The following GDI2 variants were observed in gnomAD, a reference collection of about 807,000 sequenced individuals.
GDI2 encodes GDP dissociation inhibitor 2, also known as rab GDP dissociation inhibitor beta.
GDI2 carries 22 observed loss-of-function variants against 54.2 expected under a neutral mutation model. The ratio of observed to expected loss-of-function variants is 0.41; its 90% CI spans 0.29 to 0.58. The LOEUF (loss-of-function observed/expected upper bound fraction) is 0.58. Ranked by LOEUF, GDI2 falls within the 20% of genes least tolerant of loss-of-function variation. The pLI is 0.35. For missense variants in GDI2, 422 were observed against 546.0 expected, an observed-to-expected ratio of 0.77 and a Z score of 2.26; for synonymous variants, 177 against 182.1, an observed-to-expected ratio of 0.97 and a Z score of 0.23.
At chr10:5,777,629 G>A (rs1438277364) in intron 6 of GDI2, among the ~76,000 whole-genome samples, 1 of 152,206 alleles carries the variant, frequency 6.6e-6, no homozygotes, top group Admixed American at 6.5e-5. Flanking sequence ...AAAAAGCCAG[G>A]AAACAGCAGA....
intron 4 of GDI2, among the ~76,000 whole-genome samples, chr10:5,787,203 A>T (rs1840898635): frequency 6.6e-6 from 1 of 152,218 alleles, no homozygotes; most frequent in South Asian, 2.1e-4. Context: ...ACAAAACTGA[A>T]AATTAAAACC....
At chr10:5,798,998 A>C (rs984427764) in intron 2 of GDI2, among the ~76,000 whole-genome samples, 4 of 151,614 alleles carry the variant, frequency 2.6e-5, no homozygotes. Context: ...AAATAAAATA[A>C]AACAAAATTA....
In GDI2 at chr10:5,768,216, A is replaced by G. The variant is rs1262304833; in HGVS notation, c.988T>C (p.Ser330Pro). Residue 330 changes from serine to proline, a missense_variant, in exon 8 of 11, where the codon TCA becomes CCA. Transcript: ENST00000380191. The surrounding 1 kb of genome is among the most constrained non-coding windows in gnomAD (Gnocchi z 4.4). ...TCTGCTGGTCTTCAAACCTCACCTG[A>G]CTTTCGATTGACTTGGTTCTGTGGA... ...IIPQNQVNRK[S>P]DIYVCMISFA... The G allele has an allele frequency of 6.2e-7, 1 of 1,612,348 alleles. No individual in the cohort carries two copies. Among genetic ancestry groups the G allele is most frequent in the Non-Finnish European group, 8.5e-7 (1 of 1,178,484 alleles).
At chr10:5,806,658 A>G (rs1841386798) in intron 1 of GDI2, among the ~76,000 whole-genome samples, 1 of 152,182 alleles carries the variant, frequency 6.6e-6, no homozygotes, top group South Asian at 2.1e-4. Context: ...TATTTTAACA[A>G]CTACAAAAAT....
chr10:5,803,939 T>G (rs1451121504), intron 1 of GDI2, among the ~76,000 whole-genome samples: 1 of 152,192 alleles, frequency 6.6e-6, no homozygotes, highest in African/African-American at 2.4e-5. Flanking sequence ...AATCTTATTC[T>G]CTACAAGTCT....
chr10:5,811,966 A>G (rs2131727429), intron 1 of GDI2: 1 of 991,446 alleles, frequency 1.0e-6, no homozygotes, highest in South Asian at 1.6e-5. Flanking sequence ...CCTGTAAAAA[A>G]AAAAAAAAAA....
At chr10:5,807,756 T>G (rs1329486180) in intron 1 of GDI2, among the ~76,000 whole-genome samples, 1 of 152,168 alleles carries the variant, frequency 6.6e-6, no homozygotes, top group Non-Finnish European at 1.5e-5. Flanking sequence ...ATACTGACGT[T>G]CTCTTCCTTC....
intron 4 of GDI2, among the ~76,000 whole-genome samples, chr10:5,788,932 T>C (rs1402338954): frequency 6.6e-6 from 1 of 151,978 alleles, no homozygotes; most frequent in African/African-American, 2.4e-5. Context: ...CTGGCTAATT[T>C]TTTTTTGTAT....
At chr10:5,772,785 A>G (rs1262820883) in intron 7 of GDI2, among the ~76,000 whole-genome samples, 1 of 152,064 alleles carries the variant, frequency 6.6e-6, no homozygotes, top group East Asian at 1.9e-4. Context: ...AATAAATAAC[A>G]TTTTAGTAGA....
intron 8 of GDI2, among the ~76,000 whole-genome samples, chr10:5,767,412 A>G (rs1840372785): frequency 6.6e-6 from 1 of 152,058 alleles, no homozygotes; most frequent in Non-Finnish European, 1.5e-5. Context: ...CCTGAGCTCA[A>G]GTGATCCTCT....
chr10:5,796,633 T>G (rs1414738318), intron 3 of GDI2, 130 bp downstream of exon 3: 1 of 600,364 alleles, frequency 1.7e-6, no homozygotes, highest in Admixed American at 2.7e-5. Flanking sequence ...TGGACCATGT[T>G]ACTCACCATG....
chr10:5,795,412 C>T (rs892620836), intron 3 of GDI2, among the ~76,000 whole-genome samples: 12 of 152,132 alleles, frequency 7.9e-5, no homozygotes, highest in African/African-American at 2.7e-4. Flanking sequence ...CGAGGCACCG[C>T]GCCTGGCCCA....
At chr10:5,785,428 G>T (rs1840852253) in intron 5 of GDI2, among the ~76,000 whole-genome samples, 155 bp from the exon 6 acceptor site, 1 of 152,172 alleles carries the variant, frequency 6.6e-6, no homozygotes, top group African/African-American at 2.4e-5. Flanking sequence ...AGACTGGAGT[G>T]CAGTGGTGCA....
At chr10:5,800,355 G>A (rs894832248) in intron 2 of GDI2, among the ~76,000 whole-genome samples, 2 of 152,202 alleles carry the variant, frequency 1.3e-5, no homozygotes, top group East Asian at 1.9e-4. Flanking sequence ...CACATCAGAC[G>A]ATCCTCTACC....
chr10:5,794,186 AAAATATATATATATATAT>A lies in GDI2; in HGVS notation c.388+681_388+698del, dbSNP rs1369984789. Among the ~76,000 whole-genome samples the A allele has an allele frequency of 8.4e-3, 392 of 46,670 alleles. 11 individuals carry two copies. Among genetic ancestry groups the A allele is most frequent in the African/African-American group, 0.028 (375 of 13,238 alleles). The allele number at this position is 46,670 out of a possible 152,430, so 30.6% of individuals were successfully genotyped here. ...TGTCTTTAAAAGAAAAAAAAAAAAA[AAAATATATATATATATAT>A]ATATATATATATATATATATATATA... On this transcript the variant is annotated intron_variant, in intron 4 of 10. Coordinates refer to ENST00000380191, the MANE Select transcript of GDI2 (RefSeq NM_001494.4).
At chr10:5,797,572 G>A (rs1841176334) in intron 2 of GDI2, among the ~76,000 whole-genome samples, 1 of 132,512 alleles carries the variant, frequency 7.5e-6, no homozygotes, top group Non-Finnish European at 1.6e-5. Context: ...AAAAAAATTA[G>A]CGGGGTGTGG....
chr10:5,773,159 C>T (rs1284989850), intron 7 of GDI2, among the ~76,000 whole-genome samples: 2 of 152,108 alleles, frequency 1.3e-5, no homozygotes, highest in African/African-American at 4.8e-5. Flanking sequence ...AGATGCCCCC[C>T]ACCCCACCAC....
At chr10:5,785,806 G>T in intron 5 of GDI2, 46 bp downstream of exon 5, 1 of 1,152,580 alleles carries the variant, frequency 8.7e-7, no homozygotes, top group Non-Finnish European at 1.3e-6. Context: ...GGGAAATTTA[G>T]TGAGAATTTC....
intron 1 of GDI2, among the ~76,000 whole-genome samples, chr10:5,810,738 A>G (rs1841466221): frequency 6.6e-6 from 1 of 152,228 alleles, no homozygotes; most frequent in Admixed American, 6.5e-5. Context: ...TTTAGAGATA[A>G]CCTTTAGTTC....
Sources: allele counts gnomAD v4.1 joint callset (sites outside exome capture counted in the v4.1 genomes callset), GRCh38; gene constraint gnomAD v4.1.1; non-coding constraint Gnocchi (gnomAD v3.1); transcripts MANE v1.5; gene names NCBI Gene and HGNC (gene_info 2026-07-23, HGNC 2026-07-21).